Variants in SPOPL observed in about 807,000 individuals in gnomAD.
SPOPL encodes the protein speckle-type POZ protein-like.
Under a neutral mutation model 53.8 loss-of-function variants are expected in SPOPL, and 23 were observed. The ratio of observed to expected loss-of-function variants is 0.43; its 90% CI spans 0.31 to 0.61. SPOPL has a LOEUF of 0.61. SPOPL is among the 20% of genes least tolerant of loss of function. The pLI, the probability that SPOPL is intolerant of heterozygous loss-of-function variation, is 0.12. For missense variants in SPOPL, 442 were observed against 466.9 expected, an observed-to-expected ratio of 0.95 and a Z score of 0.49; for synonymous variants, 164 against 149.7, an observed-to-expected ratio of 1.10 and a Z score of -0.70.
At chr2:138,519,878 A>G (rs1684520150) in intron 1 of SPOPL, among the ~76,000 whole-genome samples, 2 of 152,360 alleles carry the variant, frequency 1.3e-5, no homozygotes, top group South Asian at 2.1e-4. Context: ...ATTAACTACA[A>G]TACATTTGAT....
In SPOPL at chr2:138,569,094, C is replaced by T; in HGVS notation, c.*14C>T. 6.2e-7 allele frequency: 1 copy of T among 1,608,352 alleles called. No individual in the cohort carries two copies. The highest frequency in any genetic ancestry group is 8.5e-7 in the Non-Finnish European group (1 of 1,177,824). On this transcript the variant is annotated 3_prime_UTR_variant, in exon 11 of 11. Coordinates refer to ENST00000280098, the MANE Select transcript of SPOPL (RefSeq NM_001001664.3). ...AAACAGTCCTGAAATCTTCCATGAA[C>T]AGTTGAAAAATGGAATTGACTTTCA...
At chr2:138,537,486 T>G (rs1057114933) in intron 1 of SPOPL, among the ~76,000 whole-genome samples, 7 of 152,224 alleles carry the variant, frequency 4.6e-5, no homozygotes, top group Non-Finnish European at 1.0e-4. Flanking sequence ...GATTTTTAAC[T>G]ACCAGGCCCA....
At chr2:138,529,535 T>TG (rs1553469117) in intron 1 of SPOPL, among the ~76,000 whole-genome samples, 4,102 of 103,252 alleles carry the variant, frequency 0.04, 82 homozygotes, top group African/African-American at 0.059. Context: ...TGTGTGTGTG[T>TG]TTGCGTGCGC....
intron 1 of SPOPL, among the ~76,000 whole-genome samples, chr2:138,538,677 G>A (rs1201953827): frequency 2.0e-5 from 3 of 151,302 alleles, no homozygotes; most frequent in Non-Finnish European, 4.4e-5. Flanking sequence ...TTGCAACTCT[G>A]CCTTAGTCTT....
intron 1 of SPOPL, among the ~76,000 whole-genome samples, chr2:138,540,338 G>A (rs1471237030): frequency 6.6e-6 from 1 of 152,186 alleles, no homozygotes; most frequent in African/African-American, 2.4e-5. Flanking sequence ...ACCTTTGGCA[G>A]TATGGCCATT....
At chr2:138,551,159 C>A in intron 4 of SPOPL, 105 bp downstream of exon 4, 1 of 1,265,190 alleles carries the variant, frequency 7.9e-7, no homozygotes, top group Non-Finnish European at 1.1e-6. Flanking sequence ...CTGCTAAAAT[C>A]TGCTTAACCT....
intron 1 of SPOPL, among the ~76,000 whole-genome samples, chr2:138,547,056 C>G (rs1307178411): frequency 6.6e-6 from 1 of 152,180 alleles, no homozygotes; most frequent in Non-Finnish European, 1.5e-5. Context: ...GCCTCCACCT[C>G]CCAGATTGAA....
At chr2:138,550,627 ATT>A (rs779011281) in intron 3 of SPOPL, 23 bp downstream of exon 3, 5 of 1,579,586 alleles carry the variant, frequency 3.2e-6, no homozygotes, top group Non-Finnish European at 4.3e-6. Context: ...TTTGCTTTGA[ATT>A]TTTGTTTTTT....
intron 1 of SPOPL, among the ~76,000 whole-genome samples, chr2:138,503,820 A>G (rs536920821): frequency 2.6e-4 from 39 of 152,338 alleles, no homozygotes; most frequent in Middle Eastern, 6.8e-3. Flanking sequence ...AACTGGTGGT[A>G]TTCTTCATAC....
At chr2:138,553,525 A>G (rs1685358253) in intron 5 of SPOPL, among the ~76,000 whole-genome samples, 1 of 152,170 alleles carries the variant, frequency 6.6e-6, no homozygotes, top group African/African-American at 2.4e-5. Context: ...ATATATTTCA[A>G]CAGATTATCA....
chr2:138,522,700 G>T (rs76325841), intron 1 of SPOPL, among the ~76,000 whole-genome samples: 1,657 of 152,110 alleles, frequency 0.011, 34 homozygotes, highest in African/African-American at 0.038. Context: ...TTCTATAGCA[G>T]TGGTGTCCAG....
chr2:138,550,786 T>C (rs1448342476), intron 3 of SPOPL, 117 bp from the exon 4 acceptor site: 12 of 1,418,918 alleles, frequency 8.5e-6, no homozygotes, highest in African/African-American at 1.4e-5. Context: ...GGAGTGCTGT[T>C]TGTGACATTA....
chr2:138,539,456 A>G (rs966781292), intron 1 of SPOPL, among the ~76,000 whole-genome samples: 4 of 151,966 alleles, frequency 2.6e-5, no homozygotes, highest in Non-Finnish European at 5.9e-5. Flanking sequence ...CTGGTGTGAG[A>G]TGGTATCTCA....
chr2:138,525,166 T>C (rs1021981010), intron 1 of SPOPL, among the ~76,000 whole-genome samples: 3 of 152,184 alleles, frequency 2.0e-5, no homozygotes, highest in Non-Finnish European at 2.9e-5. Context: ...CTCACAATCA[T>C]GGCAGAAGGC....
intron 1 of SPOPL, among the ~76,000 whole-genome samples, chr2:138,522,847 T>C (rs1684587301): frequency 6.6e-6 from 1 of 152,234 alleles, no homozygotes. Context: ...AGATGGACTT[T>C]CTGTTTTCAC....
At chr2:138,568,531 T>A (rs1188478529) in intron 10 of SPOPL, among the ~76,000 whole-genome samples, 1 of 152,058 alleles carries the variant, frequency 6.6e-6, no homozygotes, top group Non-Finnish European at 1.5e-5. Context: ...TAGTTAAAAT[T>A]GTGAAGAGTG....
At chr2:138,544,742 T>C (rs888737306) in intron 1 of SPOPL, among the ~76,000 whole-genome samples, 2 of 152,194 alleles carry the variant, frequency 1.3e-5, no homozygotes, top group Admixed American at 1.3e-4. Context: ...CCCACTGTCC[T>C]GCACCCACTT....
chr2:138,511,480 TCAGA>T (rs1684322475), intron 1 of SPOPL, among the ~76,000 whole-genome samples: 3 of 152,338 alleles, frequency 2.0e-5, no homozygotes, highest in South Asian at 2.1e-4. Context: ...AGCACTTGTG[TCAGA>T]CAGACACTGT....
chr2:138,552,973 C>A (rs1453704502), intron 5 of SPOPL, among the ~76,000 whole-genome samples: 1 of 151,922 alleles, frequency 6.6e-6, no homozygotes, highest in East Asian at 1.9e-4. Flanking sequence ...TGTGAACATT[C>A]CTAAATATTT....
Sources: allele counts gnomAD v4.1 joint callset (sites outside exome capture counted in the v4.1 genomes callset), GRCh38; gene constraint gnomAD v4.1.1; transcripts MANE v1.5; gene names NCBI Gene and HGNC (gene_info 2026-07-23, HGNC 2026-07-21).